Variants in SIGLEC12 observed in about 807,000 individuals in gnomAD.
SIGLEC12 encodes sialic acid-binding Ig-like lectin 12.
Under a neutral mutation model 54.1 loss-of-function variants are expected in SIGLEC12, and 43 were observed. That is an observed-to-expected ratio of 0.80 (90% CI 0.62 to 1.03). The LOEUF is 1.03. Ranked by LOEUF, SIGLEC12 falls within the 50% of genes least tolerant of loss-of-function variation. The pLI is 0.00. For synonymous variants in SIGLEC12, 357 were observed against 307.6 expected (o/e 1.16, Z -1.68); for missense variants, 802 against 735.2 (o/e 1.09, Z -1.05).
chr19:51,496,969 A>G lies in SIGLEC12; in HGVS notation c.1510T>C (p.Ser504Pro), dbSNP rs562574906. Residue 504 changes from serine (S) to proline (P), a missense_variant, in exon 7 of 8, where the codon TCC becomes CCC. By Grantham distance (74) the Ser-to-Pro change is moderately conservative. Coordinates refer to ENST00000291707, the MANE Select transcript of SIGLEC12 (RefSeq NM_053003.4). The stretch of plus-strand genomic sequence containing the variant: ...GGCCTTGCCGATTTCTTCCTGCAGG[A>G]CCTCACTCTGAGTGAAGAGACCAGA... Reference protein sequence around the residue: ...YFCIIFVVVRSCRKKSARPAV... With the variant: ...YFCIIFVVVRPCRKKSARPAV... The G allele has an allele frequency of 2.5e-6, 4 of 1,613,078 alleles. No individual in the cohort carries two copies. The highest frequency in any genetic ancestry group is 4.5e-5 in the East Asian group (2 of 44,886).
Position 51,501,681 on chromosome 19 carries a change from GC to G in SIGLEC12, c.52del (p.Ala18LeufsTer9), listed in dbSNP as rs567183867. On this transcript the variant is annotated frameshift_variant, in exon 1 of 8. Transcript: ENST00000291707. LOFTEE classifies it high-confidence loss of function. ...CAGCAGGTAATCCTTCTGTTCCTTA[GC>G]CCCCACTCTCCCACAGAGCAGGGGT... The part of the protein sequence containing the change: ...LPPLLCGRVG[A>X]KEQKDYLLTM... 2.2e-4 allele frequency: 363 copies of G among 1,613,918 alleles called. 2 individuals carry two copies. In the African/African-American group the frequency reaches 4.3e-3, roughly 19 times the overall value.
chr19:51,491,771 A>T lies in SIGLEC12; in HGVS notation c.1658T>A (p.Leu553Gln). 1.2e-6 allele frequency: 2 copies of T among 1,609,728 alleles called. No individual in the cohort carries two copies. Among genetic ancestry groups the T allele is most frequent in the Non-Finnish European group, 1.7e-6 (2 of 1,177,726 alleles). Reference protein sequence around the residue: ...DSPPHHAPPALATPSPEEGEI... With the variant: ...DSPPHHAPPAQATPSPEEGEI... Reference sequence around the variant, plus strand: ...TCCTTCCTCTGGGGAGGGGGTGGCCAGGGCTGGCGGAGCATGGTGTGGGGG... The same window carrying T: ...TCCTTCCTCTGGGGAGGGGGTGGCCTGGGCTGGCGGAGCATGGTGTGGGGG... The change falls in exon 8 of 8, where the codon CTG (leucine) becomes CAG (glutamine). Residue 553 changes from leucine to glutamine, a missense_variant. Coordinates refer to ENST00000291707, the MANE Select transcript of SIGLEC12 (RefSeq NM_053003.4).
chr19:51,495,738 A>C (rs371290986), intron 7 of SIGLEC12, among the ~76,000 whole-genome samples: 61 of 152,338 alleles, frequency 4.0e-4, no homozygotes, highest in African/African-American at 1.4e-3. Flanking sequence ...GGTCGCTGGC[A>C]TCTTCTCTTA....
rs371996694 is a variant in SIGLEC12, at chr19:51,497,025, A to G, written c.1503-49T>C. ...TTTCAGTGTGGTCAGATCGGGGTGC[A>G]GTGGGCAGACCAACCCCTGCCCTGT... On this transcript the variant is annotated intron_variant, in intron 6 of 7. Transcript: ENST00000291707. The G allele has an allele frequency of 1.1e-3, 1,808 of 1,611,832 alleles. 29 individuals are homozygous for G. The highest frequency in any genetic ancestry group is 2.2e-3 in the Middle Eastern group (10 of 4,552).
At position 51,499,590 on chromosome 19, in the gene SIGLEC12, G is replaced by T; in HGVS notation, c.935C>A (p.Ala312Asp). 6.2e-7 allele frequency: 1 copy of T among 1,612,790 alleles called. No homozygotes were observed. Among genetic ancestry groups the T allele is most frequent in the Non-Finnish European group, 8.5e-7 (1 of 1,179,390 alleles). Reference protein sequence around the residue: ...GTPPTITWMGASVSSLDPTIT... With the variant: ...GTPPTITWMGDSVSSLDPTIT... ...AGTGGGGTCCAGGGAGGACACGGAG[G>T]CCCCCATCCAGGTGATCGTGGGGGG... is the stretch of plus-strand genomic sequence containing the variant. Residue 312 changes from alanine to aspartate, a missense_variant, in exon 3 of 8, where the codon GCC (alanine) becomes GAC (aspartate). Physicochemically the swap from Ala to Asp is moderately radical, Grantham distance 126. Coordinates refer to ENST00000291707, the MANE Select transcript of SIGLEC12 (RefSeq NM_053003.4).
rs144791372 is a variant in SIGLEC12, at chr19:51,491,682, C to G, written c.1747G>C (p.Ala583Pro). 227 of 1,613,492 alleles carry G rather than the reference C, an allele frequency of 1.4e-4. No individual in the cohort carries two copies. The highest frequency in any genetic ancestry group is 3.0e-4 in the Admixed American group (18 of 59,970). ...ARPQYPQEQEAIGYEYSEINI... is the reference protein window; with the variant it reads ...ARPQYPQEQEPIGYEYSEINI... ...ATCTCGGAGTACTCATAGCCGATGGCCTCCTGTTCCTGTGGGTACTGAGGC... is the reference window on the plus strand; with the variant it reads ...ATCTCGGAGTACTCATAGCCGATGGGCTCCTGTTCCTGTGGGTACTGAGGC... The change falls in exon 8 of 8, where the codon GCC (alanine) becomes CCC (proline). Residue 583 changes from alanine (A) to proline (P), a missense_variant. Physicochemically the swap from Ala to Pro is conservative, Grantham distance 27. Coordinates refer to ENST00000291707, the MANE Select transcript of SIGLEC12 (RefSeq NM_053003.4).
At chr19:51,495,072 A>C (rs1599950917) in intron 7 of SIGLEC12, among the ~76,000 whole-genome samples, 2 of 152,140 alleles carry the variant, frequency 1.3e-5, no homozygotes, top group East Asian at 3.8e-4. Context: ...CATAAACTTA[A>C]TAAAGTTGAG....
In SIGLEC12 at chr19:51,491,769, C is replaced by T. The variant is rs568941119; in HGVS notation, c.1660G>A (p.Ala554Thr). 1 of 1,609,344 alleles carries T rather than the reference C, an allele frequency of 6.2e-7. No homozygotes were observed. The highest frequency in any genetic ancestry group is 1.3e-5 in the African/African-American group (1 of 74,768). Residue 554 changes from alanine (A) to threonine (T), a missense_variant, in exon 8 of 8, where the codon GCC becomes ACC. Transcript: ENST00000291707. ...SPPHHAPPALATPSPEEGEIQ... is the reference protein window; with the variant it reads ...SPPHHAPPALTTPSPEEGEIQ... ...TCTCCTTCCTCTGGGGAGGGGGTGG[C>T]CAGGGCTGGCGGAGCATGGTGTGGG...
rs1262965932 is a variant in SIGLEC12 at position 51,499,232 on chromosome 19, C to CA, written c.1088-16dup. ...CTGAGGAGGATCTGGAACAGAAAGA[C>CA]ACGGAGTTCCCATCACTTTGAGGAC... is the stretch of plus-strand genomic sequence containing the variant. On this transcript the variant is annotated splice_polypyrimidine_tract_variant and intron_variant, in intron 3 of 7. Coordinates refer to ENST00000291707, the MANE Select transcript of SIGLEC12 (RefSeq NM_053003.4). 1 of 1,613,856 alleles carries CA rather than the reference C, an allele frequency of 6.2e-7. No homozygotes were observed. The highest frequency in any genetic ancestry group is 8.5e-7 in the Non-Finnish European group (1 of 1,179,756).
intron 1 of SIGLEC12, 96 bp from the exon 2 acceptor site, chr19:51,500,396 G>T: frequency 1.2e-6 from 2 of 1,601,544 alleles, no homozygotes; most frequent in South Asian, 1.1e-5. Flanking sequence ...GGCTTCCTGG[G>T]CTCCCTGTGT....
intron 7 of SIGLEC12, among the ~76,000 whole-genome samples, chr19:51,492,485 C>T (rs1568527708): frequency 6.6e-6 from 1 of 152,152 alleles, no homozygotes; most frequent in African/African-American, 2.4e-5. Flanking sequence ...ATAATGACCC[C>T]TCCAAAATGT....
chr19:51,499,876 C>T (rs762504657), intron 2 of SIGLEC12, 44 bp downstream of exon 2: 48 of 1,572,412 alleles, frequency 3.1e-5, no homozygotes, highest in Middle Eastern at 1.7e-4. Context: ...ACCCTGCGGC[C>T]CTCGGGCCTT....
In SIGLEC12 at chr19:51,500,488, G is replaced by A. The variant is rs1990367386; in HGVS notation, c.428-188C>T. On this transcript the variant is annotated intron_variant, in intron 1 of 7. Transcript: ENST00000291707. ...GAGAGGAGCTGGAGACCTCAGCCCT[G>A]CATGGAAGAGAAACTGCAAACCCAC... The A allele has an allele frequency of 1.2e-5, 12 of 964,248 alleles. 1 individual carries two copies. The South Asian group carries it at 1.7e-4, about 14-fold the overall frequency. The allele number at this position is 964,248 out of a possible 1,614,324, so 59.7% of individuals were successfully genotyped here.
At chr19:51,495,234 T>TGGAC (rs1990198305) in intron 7 of SIGLEC12, among the ~76,000 whole-genome samples, 4 of 136,258 alleles carry the variant, frequency 2.9e-5, no homozygotes, top group Admixed American at 7.4e-5. Flanking sequence ...GATGGATGGA[T>TGGAC]GGATGGATGG....
Position 51,494,415 on chromosome 19 carries a change from C to T in SIGLEC12, c.1599+2465G>A, listed in dbSNP as rs192592173. Among the ~76,000 whole-genome samples, 825 of 152,252 alleles carry T rather than the reference C, an allele frequency of 5.4e-3. 27 individuals are homozygous for T. Among genetic ancestry groups the T allele is most frequent in the Admixed American group, 0.049 (742 of 15,296 alleles). The stretch of plus-strand genomic sequence containing the variant: ...AGCCTTAATGAGATATCACCTCACA[C>T]GCGTTAGGATGGCCACTGTCAAAAA... On this transcript the variant is annotated intron_variant, in intron 7 of 7. Coordinates refer to ENST00000291707, the MANE Select transcript of SIGLEC12 (RefSeq NM_053003.4).
In SIGLEC12 at chr19:51,500,073, G is replaced by A. The variant is rs373192864; in HGVS notation, c.655C>T (p.Arg219Ter). The A allele has an allele frequency of 1.5e-5, 24 of 1,613,996 alleles. No homozygotes were observed. Among genetic ancestry groups the A allele is most frequent in the African/African-American group, 9.3e-5 (7 of 74,916 alleles). ...SGKVQEDTHG[R>*]FLLLGDPQTN... ...TGTGGGTCCCCAAGGAGGAGGAATC[G>A]ACCGTGGGTATCCTCTTGCACTTTT... Residue 219 changes from arginine (R) to a stop codon, truncating the protein, a stop_gained, in exon 2 of 8, where the codon CGA becomes TGA. Coordinates refer to ENST00000291707, the MANE Select transcript of SIGLEC12 (RefSeq NM_053003.4). LOFTEE classifies it high-confidence loss of function.
chr19:51,496,026 G>A (rs1322223535), intron 7 of SIGLEC12, among the ~76,000 whole-genome samples: 1 of 152,204 alleles, frequency 6.6e-6, no homozygotes, highest in African/African-American at 2.4e-5. Flanking sequence ...ATGGAGCAGA[G>A]GCAGGAGTGG....
chr19:51,491,786 T>C lies in SIGLEC12; in HGVS notation c.1643A>G (p.His548Arg), dbSNP rs1568527377. The change falls in exon 8 of 8, where the codon CAT becomes CGT. Residue 548 changes from histidine (H) to arginine (R), a missense_variant. Transcript: ENST00000291707. ...GGGGGTGGCCAGGGCTGGCGGAGCA[T>C]GGTGTGGGGGGCTGTCATCTGCCGG... ...ESPADDSPPH[H>R]APPALATPSP... 1 of 1,602,440 alleles carries C rather than the reference T, an allele frequency of 6.2e-7. No homozygotes were observed. The highest frequency in any genetic ancestry group is 1.3e-5 in the African/African-American group (1 of 74,466).
intron 5 of SIGLEC12, 129 bp downstream of exon 5, chr19:51,497,889 A>C (rs189184640): frequency 0.015 from 19,785 of 1,334,298 alleles, 203 homozygotes; most frequent in Non-Finnish European, 0.017. Flanking sequence ...CCCTCTCCCC[A>C]CCCCGCACTC....
Sources: allele counts gnomAD v4.1 joint callset (sites outside exome capture counted in the v4.1 genomes callset), GRCh38; gene constraint gnomAD v4.1.1; transcripts MANE v1.5; gene names NCBI Gene and HGNC (gene_info 2026-07-23, HGNC 2026-07-21).